GNL3L: variants seen among roughly 807,000 people sequenced by gnomAD.
GNL3L encodes the protein G protein nucleolar 3 like.
In GNL3L, 4 loss-of-function variants were observed where a neutral mutation model predicts 42.9. The ratio of observed to expected loss-of-function variants is 0.09; its 90% CI spans 0.05 to 0.21. The LOEUF (loss-of-function observed/expected upper bound fraction) is 0.21. Ranked by LOEUF, GNL3L falls within the 10% of genes least tolerant of loss-of-function variation. The probability of loss-of-function intolerance (pLI) is 1.00; values close to 1 mark genes in which losing one functional copy is unlikely to be tolerated. For synonymous variants in GNL3L, 159 were observed against 176.3 expected (o/e 0.90, Z 0.78); for missense variants, 412 against 481.7 (o/e 0.86, Z 1.36).
intron 16 of GNL3L, among the ~76,000 whole-genome samples, chrX:54,575,064 G>A (rs1925615312): frequency 8.9e-6 from 1 of 111,761 alleles, no homozygotes; most frequent in South Asian, 3.7e-4. Flanking sequence ...TGAAGAATCA[G>A]CTTTTGGTTT....
In GNL3L at chrX:54,595,823, T is replaced by G. The variant is rs191848261; in HGVS notation, c.*46-25022T>G. Among the ~76,000 whole-genome samples, 156 of 112,595 alleles carry G rather than the reference T, an allele frequency of 1.4e-3. No individual in the cohort carries two copies. The Middle Eastern group carries it at 0.018, about 13-fold the overall frequency. On this transcript the variant is annotated intron_variant, in intron 16 of 16. Transcript: ENST00000674498. ...TCGATCAATTCTGCTATGACTGTGATGCATTCTTCAATATGCCACTTGGAT... is the reference window on the plus strand; with the variant it reads ...TCGATCAATTCTGCTATGACTGTGAGGCATTCTTCAATATGCCACTTGGAT...
chrX:54,575,591 G>A (rs1433962233), intron 16 of GNL3L, among the ~76,000 whole-genome samples: 2 of 111,640 alleles, frequency 1.8e-5, no homozygotes, highest in African/African-American at 6.5e-5. Context: ...AAAATTAGCC[G>A]GGTGTGGTGG....
rs1925283402 is a variant in GNL3L at position 54,561,946 on chromosome X, C to T, written c.*1344C>T. On this transcript the variant is annotated 3_prime_UTR_variant, in exon 16 of 16. Transcript: ENST00000360845. ...TTGCAACTGAAACACAATCTTCTTT[C>T]TTTGCCAGGGTATTTTGGGGGTTTT... Among the ~76,000 whole-genome samples the T allele has an allele frequency of 4.4e-5, 5 of 112,390 alleles. No homozygotes were observed. In the South Asian group the frequency reaches 1.8e-3, roughly 42 times the overall value.
chrX:54,602,801 G>T (rs1482686752), intron 16 of GNL3L, among the ~76,000 whole-genome samples: 4 of 110,972 alleles, frequency 3.6e-5, no homozygotes, highest in Non-Finnish European at 7.5e-5. Context: ...AAGAAGCCAG[G>T]GCCCTCAGTC....
In GNL3L at chrX:54,554,584, T is replaced by C. The variant is rs368129838; in HGVS notation, c.1338T>C (p.Ser446=). 5.8e-6 allele frequency: 7 copies of C among 1,204,353 alleles called. No individual in the cohort carries two copies. The African/African-American group carries it at 1.2e-4, about 21-fold the overall frequency. ...DTMECLATGE[S]DELLGDTDPL... is the part of the protein sequence containing the mutation. Reference sequence around the variant, plus strand: ...TTAAAGGCTTGGCCACCGGAGAATCTGATGAGCTGTTGGGTGACACGGACC... The same window carrying C: ...TTAAAGGCTTGGCCACCGGAGAATCCGATGAGCTGTTGGGTGACACGGACC... The change falls in exon 14 of 16, where the codon TCT becomes TCC. Residue 446 remains serine (S), a synonymous_variant. Coordinates refer to ENST00000360845, the MANE Select transcript of GNL3L (RefSeq NM_001184819.2).
rs754812565 is a variant in GNL3L at position 54,600,199 on chromosome X, T to C, written c.*46-20646T>C. ...TATGAGACTCTAGATTTTATTCCAATCTGCTGCTTTTTTTTTTTTTTTTTT... is the reference window on the plus strand; with the variant it reads ...TATGAGACTCTAGATTTTATTCCAACCTGCTGCTTTTTTTTTTTTTTTTTT... On this transcript the variant is annotated intron_variant, in intron 16 of 16. Transcript: ENST00000674498. Among the ~76,000 whole-genome samples, 9 of 95,175 alleles carry C rather than the reference T, an allele frequency of 9.5e-5. No homozygotes were observed. The South Asian group carries it at 5.1e-3, about 54-fold the overall frequency. The allele number at this position is 95,175 out of a possible 115,157, so 82.6% of individuals were successfully genotyped here.
At chrX:54,626,258 A>T (rs1345369461), downstream of GNL3L, among the ~76,000 whole-genome samples, 1 of 111,372 alleles carries the variant, frequency 9.0e-6, no homozygotes, top group Non-Finnish European at 1.9e-5. Flanking sequence ...TTTAGCTCTC[A>T]CATATGAGTG....
At chrX:54,559,406 C>G (rs1021259554) in intron 15 of GNL3L, among the ~76,000 whole-genome samples, 1 of 111,696 alleles carries the variant, frequency 9.0e-6, no homozygotes, top group Non-Finnish European at 1.9e-5. Flanking sequence ...TCATCCAGAC[C>G]GCCCCCTCGT....
In GNL3L at chrX:54,549,261, A is replaced by G. The variant is rs1311380979; in HGVS notation, c.775+888A>G. Among the ~76,000 whole-genome samples the G allele has an allele frequency of 2.7e-5, 3 of 111,575 alleles. No homozygotes were observed. In the South Asian group the frequency reaches 1.1e-3, roughly 42 times the overall value. On this transcript the variant is annotated intron_variant, in intron 9 of 15. Coordinates refer to ENST00000360845, the MANE Select transcript of GNL3L (RefSeq NM_001184819.2). ...TCTTAAGTACACATACAGATCCACA[A>G]ACACATACACAGACCCACGCTACAG...
Position 54,542,948 on chromosome X carries a change from C to A in GNL3L, c.307-7C>A. 8.9e-7 allele frequency: 1 copy of A among 1,129,571 alleles called. No individual in the cohort carries two copies. The highest frequency in any genetic ancestry group is 1.2e-6 in the Non-Finnish European group (1 of 823,617). The allele number at this position is 1,129,571 out of a possible 1,213,427, so 93.1% of individuals were successfully genotyped here. ...CCTGGACCATTCTCTTTTTTTTTCT[C>A]CTTTAGGAGGAAGTTTTGCAGGAAT... On this transcript the variant is annotated splice_region_variant and splice_polypyrimidine_tract_variant and intron_variant, in intron 5 of 15. Transcript: ENST00000360845.
At chrX:54,638,907 G>A in the GNL3L span, among the ~76,000 whole-genome samples, 68 of 111,639 alleles carry the variant, frequency 6.1e-4, no homozygotes, top group African/African-American at 2.2e-3. Flanking sequence ...TTCTTAAAGT[G>A]TGGTCTTGAA....
At chrX:54,555,362 T>A (rs1293023685) in intron 14 of GNL3L, among the ~76,000 whole-genome samples, 1 of 111,347 alleles carries the variant, frequency 9.0e-6, no homozygotes. Flanking sequence ...TTCTCCCTCC[T>A]AAATCTTTTG....
chrX:54,554,042 C>T (rs1436392230), intron 13 of GNL3L, among the ~76,000 whole-genome samples: 1 of 111,009 alleles, frequency 9.0e-6, no homozygotes, highest in Non-Finnish European at 1.9e-5. Flanking sequence ...GGACTTGGCC[C>T]TAGTGCTGGA....
chrX:54,554,959 A>G (rs1411484435), intron 14 of GNL3L, among the ~76,000 whole-genome samples: 1 of 110,520 alleles, frequency 9.0e-6, no homozygotes, highest in Non-Finnish European at 1.9e-5. Flanking sequence ...CAACTTGCAA[A>G]CGACTCTTTC....
At chrX:54,557,074 C>T (rs192634197) in intron 14 of GNL3L, among the ~76,000 whole-genome samples, 2 of 108,414 alleles carry the variant, frequency 1.8e-5, no homozygotes, top group African/African-American at 3.4e-5. Flanking sequence ...CTCAGCTACT[C>T]GAGAGGTTGA....
chrX:54,554,548 T>C lies in GNL3L; in HGVS notation c.1319-17T>C. The C allele has an allele frequency of 1.7e-6, 2 of 1,205,358 alleles. No individual in the cohort carries two copies. Among genetic ancestry groups the C allele is most frequent in the Non-Finnish European group, 2.2e-6 (2 of 890,791 alleles). On this transcript the variant is annotated splice_polypyrimidine_tract_variant and intron_variant, in intron 13 of 15. Coordinates refer to ENST00000360845, the MANE Select transcript of GNL3L (RefSeq NM_001184819.2). ...AGGGGAGCCAGGGCCCTGACAGTGG[T>C]GTTGGTTGTGTTAAAGGCTTGGCCA...
At chrX:54,587,882 T>C (rs891198415) in intron 16 of GNL3L, among the ~76,000 whole-genome samples, 1 of 111,063 alleles carries the variant, frequency 9.0e-6, no homozygotes, top group Non-Finnish European at 1.9e-5. Flanking sequence ...GGTTTCACCA[T>C]GTTGGCCAGG....
chrX:54,600,736 C>T (rs1398254349), intron 16 of GNL3L, among the ~76,000 whole-genome samples: 2 of 110,949 alleles, frequency 1.8e-5, no homozygotes, highest in African/African-American at 3.3e-5. Flanking sequence ...TAGTGGGAGA[C>T]GTTGGAGTTC....
intron 16 of GNL3L, among the ~76,000 whole-genome samples, chrX:54,572,869 G>C (rs1476386262): frequency 9.5e-6 from 1 of 105,533 alleles, no homozygotes; most frequent in Admixed American, 9.7e-5. Flanking sequence ...TCCCAGACGG[G>C]GTCGCAGCCG....
Sources: gnomAD v4.1 joint callset for allele counts (sites outside exome capture counted in the v4.1 genomes callset) on GRCh38, gnomAD v4.1.1 for gene constraint, MANE v1.5 for transcripts, NCBI Gene and HGNC (gene_info 2026-07-23, HGNC 2026-07-21) for gene names.